Variants in ARHGAP44 observed in about 807,000 individuals in gnomAD.
ARHGAP44 encodes the protein rho GTPase-activating protein 44.
In ARHGAP44, 43 loss-of-function variants were observed where a neutral mutation model predicts 106.8. The ratio of observed to expected loss-of-function variants is 0.40; its 90% confidence interval spans 0.32 to 0.52. The LOEUF (loss-of-function observed/expected upper bound fraction) is 0.52, where lower values mean the gene tolerates loss of function less well. Among genes scored for constraint, ARHGAP44 ranks in the 20% least tolerant of loss-of-function variants. ARHGAP44 has a pLI of 0.48. For synonymous variants in ARHGAP44, 439 were observed against 410.3 expected, an observed-to-expected ratio of 1.07 and a Z score of -0.85; for missense variants, 866 against 1,050.5, an observed-to-expected ratio of 0.82 and a Z score of 2.43.
At chr17:12,830,165 C>G (rs910809739) in intron 1 of ARHGAP44, among the ~76,000 whole-genome samples, 9 of 152,106 alleles carry the variant, frequency 5.9e-5, no homozygotes, top group South Asian at 2.1e-4. Context: ...AAATGCTTCC[C>G]CATCTTTGCC....
chr17:12,807,800 CA>C (rs887350951), intron 1 of ARHGAP44, among the ~76,000 whole-genome samples: 1 of 152,220 alleles, frequency 6.6e-6, no homozygotes, highest in Admixed American at 6.5e-5. Flanking sequence ...GCCTTCCCAA[CA>C]GTCCCCCAAA....
At chr17:12,886,491 A>T (rs1295767785) in intron 1 of ARHGAP44, among the ~76,000 whole-genome samples, 4 of 152,132 alleles carry the variant, frequency 2.6e-5, no homozygotes, top group Non-Finnish European at 1.5e-5. Flanking sequence ...TATTTATTTC[A>T]TAAGCATTTT....
intron 16 of ARHGAP44, among the ~76,000 whole-genome samples, chr17:12,972,535 C>G (rs1330271025): frequency 6.6e-6 from 1 of 151,874 alleles, no homozygotes; most frequent in Non-Finnish European, 1.5e-5. Context: ...GTAATCCCAG[C>G]TACTCGGGAG....
intron 1 of ARHGAP44, among the ~76,000 whole-genome samples, chr17:12,831,846 C>T (rs996602534): frequency 1.2e-4 from 19 of 152,180 alleles, no homozygotes; most frequent in Non-Finnish European, 2.8e-4. Flanking sequence ...TGAGTGTTCT[C>T]AGGCAAGCAT....
chr17:12,967,948 T>G (rs2039433343), intron 16 of ARHGAP44, among the ~76,000 whole-genome samples: 1 of 152,206 alleles, frequency 6.6e-6, no homozygotes, highest in South Asian at 2.1e-4. Flanking sequence ...TGAGTTCAAA[T>G]CCTGGTTACT....
chr17:12,952,525 T>C lies in ARHGAP44; in HGVS notation c.1080T>C (p.Leu360=). 1 of 1,581,516 alleles carries C rather than the reference T, an allele frequency of 6.3e-7. No homozygotes were observed. Among genetic ancestry groups the C allele is most frequent in the South Asian group, 1.2e-5 (1 of 85,852 alleles). The change falls in exon 13 of 21, where the codon CTT becomes CTC. Residue 360 remains leucine (L), a synonymous_variant. Transcript: ENST00000379672. ...GTGTCCAGGAGCAAGACAAGAAGCT[T>C]CAGGCTCTATGGAATGCTTGTGAAA... ...ASNVQEQDKK[L]QALWNACEKL... is the part of the protein sequence containing the mutation.
intron 1 of ARHGAP44, among the ~76,000 whole-genome samples, chr17:12,877,070 G>T (rs974877498): frequency 6.6e-6 from 1 of 152,168 alleles, no homozygotes. Context: ...AGTGTTGCAA[G>T]TTGGAAACTT....
intron 19 of ARHGAP44, 130 bp downstream of exon 19, chr17:12,980,363 C>A (rs1427733248): frequency 3.0e-6 from 3 of 1,012,268 alleles, no homozygotes; most frequent in Non-Finnish European, 4.3e-6. Flanking sequence ...CCCATCTGGA[C>A]ATTAGAGCTT....
Position 12,949,046 on chromosome 17 carries a change from G to A in ARHGAP44, c.862-94G>A, listed in dbSNP as rs2038931361. ...GGTGTTGGGCAAATGCATGTAAGAGGTTTTGGAGAAAAGAAGCAGGCAGTT... is the reference window on the plus strand; with the variant it reads ...GGTGTTGGGCAAATGCATGTAAGAGATTTTGGAGAAAAGAAGCAGGCAGTT... On this transcript the variant is annotated intron_variant, in intron 10 of 20. Coordinates refer to ENST00000379672, the MANE Select transcript of ARHGAP44 (RefSeq NM_014859.6). The surrounding 1 kb of genome is among the most constrained non-coding windows in gnomAD (Gnocchi z 4.1). 1.6e-6 allele frequency: 2 copies of A among 1,237,794 alleles called. No homozygotes were observed. Among genetic ancestry groups the A allele is most frequent in the Non-Finnish European group, 2.3e-6 (2 of 873,594 alleles). 76.7% of individuals were successfully genotyped at this position (1,237,794 alleles called of 1,614,324 possible).
At chr17:12,971,769 C>G (rs1219686320) in intron 16 of ARHGAP44, among the ~76,000 whole-genome samples, 1 of 152,148 alleles carries the variant, frequency 6.6e-6, no homozygotes. Flanking sequence ...TCCCCTTTCC[C>G]TCCATCCCTG....
chr17:12,854,889 C>T (rs1253402127), intron 1 of ARHGAP44, among the ~76,000 whole-genome samples: 1 of 138,178 alleles, frequency 7.2e-6, no homozygotes, highest in African/African-American at 2.7e-5. Flanking sequence ...ACCCAGGAGG[C>T]GGAGGTTGCG....
chr17:12,970,379 A>AG lies in ARHGAP44; in HGVS notation c.1524-2923_1524-2922insG, dbSNP rs796650412. 9.6e-3 allele frequency among the ~76,000 whole-genome samples: 623 copies of AG among 65,024 alleles called. 12 individuals carry two copies. The highest frequency in any genetic ancestry group is 0.045 in the African/African-American group (572 of 12,626). 42.7% of individuals were successfully genotyped at this position (65,024 alleles called of 152,430 possible). ...AGACCCTGTCTCAAAAAAAAAAAAA[A>AG]AAAAAAAAAGAAAAAGAAGAGAAGA... On this transcript the variant is annotated intron_variant, in intron 16 of 20. Transcript: ENST00000379672.
Position 12,991,246 on chromosome 17 carries a change from A to G in ARHGAP44, c.*1075A>G, listed in dbSNP as rs1346252091. Reference sequence around the variant, plus strand: ...CACTTGGGGATTAGGGGAGTGAGAAAAGATTTGGGCCATGCATGCAAAGTC... The same window carrying G: ...CACTTGGGGATTAGGGGAGTGAGAAGAGATTTGGGCCATGCATGCAAAGTC... On this transcript the variant is annotated 3_prime_UTR_variant, in exon 21 of 21. Transcript: ENST00000379672. 1 of 152,630 alleles carries G rather than the reference A, an allele frequency of 6.6e-6. No homozygotes were observed. Among genetic ancestry groups the G allele is most frequent in the Non-Finnish European group, 1.5e-5 (1 of 68,052 alleles). The allele number at this position is 152,630 out of a possible 1,614,324, so 9.5% of individuals were successfully genotyped here.
At chr17:12,794,274 C>T (rs1393316943) in intron 1 of ARHGAP44, among the ~76,000 whole-genome samples, 1 of 151,996 alleles carries the variant, frequency 6.6e-6, no homozygotes, top group Non-Finnish European at 1.5e-5. Flanking sequence ...AGTAATGGTA[C>T]CTTGATTTGG....
At chr17:12,853,809 T>A (rs1292656124) in intron 1 of ARHGAP44, among the ~76,000 whole-genome samples, 1 of 152,190 alleles carries the variant, frequency 6.6e-6, no homozygotes, top group Non-Finnish European at 1.5e-5. Context: ...AATTTCTGAT[T>A]TCCACTTCAG....
chr17:12,957,075 C>A lies in ARHGAP44; in HGVS notation c.1342+329C>A, dbSNP rs201575689. ...AAGCAATTCTCCTGCCTCACCCCCTCTACCCACTGAGTAGCTGGGATTACA... is the reference window on the plus strand; with the variant it reads ...AAGCAATTCTCCTGCCTCACCCCCTATACCCACTGAGTAGCTGGGATTACA... On this transcript the variant is annotated intron_variant, in intron 15 of 20. Transcript: ENST00000379672. Among the ~76,000 whole-genome samples the A allele has an allele frequency of 3.7e-3, 566 of 151,582 alleles. 6 individuals carry two copies. In the East Asian group the frequency reaches 0.051, roughly 14 times the overall value.
At chr17:12,937,960 G>A (rs527947254) in intron 7 of ARHGAP44, among the ~76,000 whole-genome samples, 1 of 152,050 alleles carries the variant, frequency 6.6e-6, no homozygotes, top group Non-Finnish European at 1.5e-5. Flanking sequence ...AATTAGGTGG[G>A]TGTGGTGGCA....
At chr17:12,944,020 A>C in intron 9 of ARHGAP44, 49 bp from the exon 10 acceptor site, 1 of 1,542,668 alleles carries the variant, frequency 6.5e-7, no homozygotes, top group Non-Finnish European at 8.8e-7. Flanking sequence ...TTCCAGCATG[A>C]GTGAACTTGG....
intron 3 of ARHGAP44, among the ~76,000 whole-genome samples, chr17:12,903,109 AGAGAGAGAGAGAGAGAG>A (rs2037427069): frequency 3.4e-5 from 4 of 117,614 alleles, no homozygotes; most frequent in African/African-American, 8.1e-5. Flanking sequence ...AGAGAGAGAG[AGAGAGAGAGAGAGAGAG>A]GAGAGAGAGA....
Sources: gnomAD v4.1 joint callset for allele counts (sites outside exome capture counted in the v4.1 genomes callset) on GRCh38, gnomAD v4.1.1 for gene constraint, Gnocchi (gnomAD v3.1) non-coding constraint, MANE v1.5 for transcripts, NCBI Gene and HGNC (gene_info 2026-07-23, HGNC 2026-07-21) for gene names.